The following UBXN7 variants were observed in gnomAD, a reference collection of about 807,000 sequenced individuals.
The protein encoded by UBXN7 is UBX domain-containing protein 7.
Under a neutral mutation model 58.0 loss-of-function variants are expected in UBXN7, and 9 were observed. The ratio of observed to expected loss-of-function variants is 0.16; its 90% CI spans 0.09 to 0.27. The LOEUF (loss-of-function observed/expected upper bound fraction) is 0.27, where lower values mean the gene tolerates loss of function less well. Ranked by LOEUF, UBXN7 falls within the 10% of genes least tolerant of loss-of-function variation. UBXN7 has a pLI of 1.00. For synonymous variants in UBXN7, 208 were observed against 205.0 expected, an observed-to-expected ratio of 1.01 and a Z score of -0.12; for missense variants, 328 against 599.6, an observed-to-expected ratio of 0.55 and a Z score of 4.73.
At chr3:196,356,911 TA>T in intron 10 of UBXN7, 65 bp from the exon 11 acceptor site, 1 of 1,530,326 alleles carries the variant, frequency 6.5e-7, no homozygotes, top group Non-Finnish European at 8.8e-7. Flanking sequence ...ATTAGTGAAT[TA>T]AATAGAAAAC....
At position 196,393,765 on chromosome 3, in the gene UBXN7, ATC is replaced by A. The variant is rs1009786470; in HGVS notation, c.290-148_290-147del. On this transcript the variant is annotated intron_variant, in intron 3 of 10. Transcript: ENST00000296328. ...TCACCCTTGCACAGGGGCCGTGCTA[ATC>A]TCTGTCTCGTTCCAATTTTAGTAAA... 25 of 641,756 alleles carry A rather than the reference ATC, an allele frequency of 3.9e-5. No individual in the cohort carries two copies. The Admixed American group carries it at 5.7e-4, about 15-fold the overall frequency. The allele number at this position is 641,756 out of a possible 1,614,324, so 39.8% of individuals were successfully genotyped here. A position where few individuals can be genotyped will look rare whatever the true frequency, so the allele number is the denominator to read the frequency against.
intron 3 of UBXN7, among the ~76,000 whole-genome samples, chr3:196,401,298 T>TACACACACAC (rs71630187): frequency 1.6e-5 from 1 of 61,694 alleles, no homozygotes; most frequent in African/African-American, 8.7e-5. Context: ...TATATATATA[T>TACACACACAC]ACACACACAC....
At chr3:196,415,674 C>T (rs778662258) in intron 1 of UBXN7, among the ~76,000 whole-genome samples, 5 of 151,432 alleles carry the variant, frequency 3.3e-5, no homozygotes, top group Non-Finnish European at 7.4e-5. Flanking sequence ...CCCAACTACT[C>T]GGGAGGCTGA....
At chr3:196,414,472 TG>T (rs1420518053) in intron 1 of UBXN7, among the ~76,000 whole-genome samples, 2 of 152,208 alleles carry the variant, frequency 1.3e-5, no homozygotes, top group Non-Finnish European at 2.9e-5. Context: ...ATACAAGATT[TG>T]TTCCTTACCC....
intron 1 of UBXN7, among the ~76,000 whole-genome samples, chr3:196,410,084 C>T (rs1355111723): frequency 1.3e-5 from 2 of 151,760 alleles, no homozygotes; most frequent in East Asian, 1.9e-4. Flanking sequence ...GGATTACAGG[C>T]GCCTGCCACC....
chr3:196,398,073 C>T (rs935302837), intron 3 of UBXN7, among the ~76,000 whole-genome samples: 3 of 152,284 alleles, frequency 2.0e-5, no homozygotes, highest in South Asian at 2.1e-4. Context: ...TTCCAGATTA[C>T]GTTACAAAAA....
intron 1 of UBXN7, among the ~76,000 whole-genome samples, chr3:196,420,822 T>C (rs1730658940): frequency 6.6e-6 from 1 of 152,198 alleles, no homozygotes; most frequent in South Asian, 2.1e-4. Flanking sequence ...TATACTCTAA[T>C]GCACATTGTC....
chr3:196,360,760 C>T (rs748796411), intron 10 of UBXN7, among the ~76,000 whole-genome samples: 6 of 152,098 alleles, frequency 3.9e-5, no homozygotes, highest in Non-Finnish European at 7.4e-5. Flanking sequence ...TGGCCAGGCA[C>T]GGAGCCAAAT....
At chr3:196,424,383 ATTTTTTTTTTTT>A (rs869183431) in intron 1 of UBXN7, among the ~76,000 whole-genome samples, 1,931 of 104,908 alleles carry the variant, frequency 0.018, 64 homozygotes, top group African/African-American at 0.065. Context: ...TCTTTTCCTA[ATTTTTTTTTTTT>A]TTTTTTTTTT....
chr3:196,385,969 G>A (rs906052869), intron 5 of UBXN7, among the ~76,000 whole-genome samples: 4 of 152,102 alleles, frequency 2.6e-5, no homozygotes, highest in African/African-American at 7.2e-5. Context: ...AGGAGAGATC[G>A]GATTGTTACT....
At chr3:196,401,294 TATATAC>T (rs1257863338) in intron 3 of UBXN7, among the ~76,000 whole-genome samples, 5 of 80,590 alleles carry the variant, frequency 6.2e-5, no homozygotes, top group African/African-American at 1.7e-4. Context: ...TATATATATA[TATATAC>T]ACACACACAC....
chr3:196,405,494 A>G lies in UBXN7; in HGVS notation c.221+1752T>C, dbSNP rs568688861. ...CAAAAAAAAAAAAAGAAAAGAAAAA[A>G]AAAGAAAGAAAGAAAGAAAACTTTT... On this transcript the variant is annotated intron_variant, in intron 2 of 10. Transcript: ENST00000296328. Among the ~76,000 whole-genome samples, 391 of 151,952 alleles carry G rather than the reference A, an allele frequency of 2.6e-3. 2 individuals are homozygous for G. Among genetic ancestry groups the G allele is most frequent in the Non-Finnish European group, 4.5e-3 (305 of 67,962 alleles).
rs1222431407 is a variant in UBXN7 at position 196,352,427 on chromosome 3, G to C, written c.*4258C>G. ...GCCTGGCTAATTTTTGTATTTTTCA[G>C]TAGAGATGGGGTTTCACCATGTTGG... is the stretch of plus-strand genomic sequence containing the variant. On this transcript the variant is annotated 3_prime_UTR_variant, in exon 11 of 11. Coordinates refer to ENST00000296328, the MANE Select transcript of UBXN7 (RefSeq NM_015562.2). The surrounding 1 kb of genome is among the most constrained non-coding windows in gnomAD (Gnocchi z 4.1). 6.6e-6 allele frequency: 1 copy of C among 151,908 alleles called. No individual in the cohort carries two copies. The highest frequency in any genetic ancestry group is 6.6e-5 in the Admixed American group (1 of 15,240). The allele number at this position is 151,908 out of a possible 1,614,324, so 9.4% of individuals were successfully genotyped here. A position where few individuals can be genotyped will look rare whatever the true frequency, so the allele number is the denominator to read the frequency against.
chr3:196,372,795 G>A (rs1201428167), intron 5 of UBXN7, among the ~76,000 whole-genome samples: 3 of 151,822 alleles, frequency 2.0e-5, no homozygotes, highest in African/African-American at 7.3e-5. Flanking sequence ...GCCTAAGTCG[G>A]AGAACAATGG....
chr3:196,358,709 C>T (rs1034998828), intron 10 of UBXN7, among the ~76,000 whole-genome samples: 4 of 152,176 alleles, frequency 2.6e-5, no homozygotes, highest in African/African-American at 9.7e-5. Context: ...CCACTGCACT[C>T]CAGCCTGAGC....
Position 196,356,763 on chromosome 3 carries a change from A to G in UBXN7, c.1392T>C (p.Ser464=). ...LLTNFPRRKL[S]HLDYDITLQE... is the part of the protein sequence containing the mutation. ...GCAATGTAATATCATAGTCCAGATG[A>G]GATAATTTCCTTCGAGGAAAGTTGG... The change falls in exon 11 of 11, where the codon TCT becomes TCC. Residue 464 remains serine, a synonymous_variant. Transcript: ENST00000296328. The G allele has an allele frequency of 6.2e-7, 1 of 1,613,992 alleles. No homozygotes were observed. The highest frequency in any genetic ancestry group is 8.5e-7 in the Non-Finnish European group (1 of 1,180,006).
intron 1 of UBXN7, among the ~76,000 whole-genome samples, chr3:196,417,409 A>G (rs551665902): frequency 1.3e-5 from 2 of 152,306 alleles, no homozygotes; most frequent in East Asian, 1.9e-4. Flanking sequence ...ATATTCTTCA[A>G]ATTCCCTTCT....
At chr3:196,424,316 G>A (rs928598271) in intron 1 of UBXN7, among the ~76,000 whole-genome samples, 9 of 150,510 alleles carry the variant, frequency 6.0e-5, no homozygotes, top group African/African-American at 2.2e-4. Context: ...TCAGCATTGT[G>A]TCCTGGAGTC....
chr3:196,356,857 A>C lies in UBXN7; in HGVS notation c.1309-11T>G. On this transcript the variant is annotated splice_polypyrimidine_tract_variant and intron_variant, in intron 10 of 10. Coordinates refer to ENST00000296328, the MANE Select transcript of UBXN7 (RefSeq NM_015562.2). The stretch of plus-strand genomic sequence containing the variant: ...GTGCTTCACCAAAGCCTATAAAAAC[A>C]AGAGAAAGACAAAGCCATTAGACGG... 6.3e-7 allele frequency: 1 copy of C among 1,598,654 alleles called. No homozygotes were observed. Among genetic ancestry groups the C allele is most frequent in the Non-Finnish European group, 8.5e-7 (1 of 1,176,672 alleles).
Sources: allele counts gnomAD v4.1 joint callset (sites outside exome capture counted in the v4.1 genomes callset), GRCh38; gene constraint gnomAD v4.1.1; non-coding constraint Gnocchi (gnomAD v3.1); transcripts MANE v1.5; gene names NCBI Gene and HGNC (gene_info 2026-07-23, HGNC 2026-07-21).